Variants in SLC13A4 observed in about 807,000 individuals in gnomAD.
The protein encoded by SLC13A4 is solute carrier family 13 member 4, also known as Na(+)/sulfate cotransporter SUT-1.
Under a neutral mutation model 72.7 loss-of-function variants are expected in SLC13A4, and 28 were observed. The observed-to-expected ratio is 0.39, with a 90% CI of 0.29 to 0.53. SLC13A4 has a LOEUF of 0.53. Among genes scored for constraint, SLC13A4 ranks in the 20% least tolerant of loss-of-function variants. The pLI is 0.78. For missense variants in SLC13A4, 653 were observed against 788.0 expected, an observed-to-expected ratio of 0.83 and a Z score of 2.05; for synonymous variants, 312 against 325.5, an observed-to-expected ratio of 0.96 and a Z score of 0.45.
chr7:135,721,340 C>T, intron 2 of SLC13A4, 55 bp downstream of exon 2: 3 of 1,601,372 alleles, frequency 1.9e-6, no homozygotes, highest in African/African-American at 1.3e-5. Flanking sequence ...TGGAGGCTCT[C>T]TTTCAGGGGC....
At chr7:135,687,024 T>C (rs531342917) in intron 13 of SLC13A4, among the ~76,000 whole-genome samples, 1 of 152,208 alleles carries the variant, frequency 6.6e-6, no homozygotes, top group South Asian at 2.1e-4. Context: ...GCCATTGCAC[T>C]CCAGCCTGGG....
intron 5 of SLC13A4, chr7:135,705,235 C>T (rs994061787): frequency 5.1e-5 from 10 of 196,232 alleles, no homozygotes; most frequent in African/African-American, 1.6e-4. Flanking sequence ...GAGATGTGAA[C>T]GGTTTTCCGT....
At chr7:135,689,587 T>C (rs1795727711) in intron 13 of SLC13A4, among the ~76,000 whole-genome samples, 1 of 152,076 alleles carries the variant, frequency 6.6e-6, no homozygotes, top group Admixed American at 6.5e-5. Flanking sequence ...ATGGTATGGG[T>C]CACTACTACT....
At chr7:135,727,366 C>T in intron 1 of SLC13A4, 32 bp downstream of exon 1, 1 of 1,544,952 alleles carries the variant, frequency 6.5e-7, no homozygotes, top group Non-Finnish European at 8.7e-7. Context: ...CACTGACTCC[C>T]AGACCCCCGG....
At chr7:135,695,562 T>C in intron 8 of SLC13A4, 75 bp from the exon 9 acceptor site, 1 of 1,510,156 alleles carries the variant, frequency 6.6e-7, no homozygotes, top group Non-Finnish European at 9.0e-7. Context: ...GTATGCCAAA[T>C]GCTCCCTAAA....
intron 15 of SLC13A4, among the ~76,000 whole-genome samples, chr7:135,682,136 T>G (rs995543624): frequency 1.3e-5 from 2 of 152,208 alleles, no homozygotes; most frequent in African/African-American, 4.8e-5. Flanking sequence ...TACTGTTACC[T>G]TTTTTTAAGG....
intron 2 of SLC13A4, among the ~76,000 whole-genome samples, chr7:135,720,811 G>A (rs1386204587): frequency 6.6e-6 from 1 of 152,198 alleles, no homozygotes; most frequent in Non-Finnish European, 1.5e-5. Context: ...GAAGGCCACA[G>A]ACAGTGAATG....
chr7:135,703,156 A>G, intron 5 of SLC13A4: 1 of 497,610 alleles, frequency 2.0e-6, no homozygotes, highest in Non-Finnish European at 3.6e-6. Flanking sequence ...TGGAGTGGAT[A>G]TTAGATACAG....
chr7:135,727,317 GC>G, intron 1 of SLC13A4, 80 bp downstream of exon 1: 1 of 1,499,154 alleles, frequency 6.7e-7, no homozygotes. Context: ...CTGCCTGAGC[GC>G]CCCATGTTCC....
Position 135,684,137 on chromosome 7 carries a change from T to A in SLC13A4, c.1733A>T (p.Gln578Leu), listed in dbSNP as rs372448297. Residue 578 changes from glutamine (Q) to leucine (L), a missense_variant, in exon 15 of 16, where the codon CAG becomes CTG. Physicochemically the swap from Gln to Leu is moderately radical, Grantham distance 113. Transcript: ENST00000682651. ...ACCCCAACTCACCATATCTTTGATC[T>A]GGCAGTGCCCATAGCTGAAGACGAT... is the stretch of plus-strand genomic sequence containing the variant. ...NAIVFSYGHCQIKDMVKAGLG... is the reference protein window; with the variant it reads ...NAIVFSYGHCLIKDMVKAGLG... The A allele has an allele frequency of 6.2e-7, 1 of 1,606,602 alleles. No homozygotes were observed. The highest frequency in any genetic ancestry group is 2.2e-5 in the East Asian group (1 of 44,600).
At chr7:135,725,803 A>AT (rs142078588) in intron 1 of SLC13A4, among the ~76,000 whole-genome samples, 4,520 of 152,068 alleles carry the variant, frequency 0.03, 169 homozygotes, top group African/African-American at 0.091. Context: ...TACAAAAAAA[A>AT]TTTTTTTAAA....
intron 2 of SLC13A4, among the ~76,000 whole-genome samples, chr7:135,720,085 G>A (rs1418947099): frequency 6.6e-6 from 1 of 152,110 alleles, no homozygotes; most frequent in Non-Finnish European, 1.5e-5. Context: ...ACAACTATTA[G>A]AGGATTGCCT....
chr7:135,691,161 C>CAA (rs10659389), intron 13 of SLC13A4, 40 bp downstream of exon 13: 120,048 of 1,119,630 alleles, frequency 0.11, 785 homozygotes, highest in South Asian at 0.12. Context: ...AAGACTGTCT[C>CAA]AAAAAAAAAA....
At chr7:135,708,283 C>T (rs1796215002) in intron 2 of SLC13A4, 33 bp from the exon 3 acceptor site, 2 of 1,613,110 alleles carry the variant, frequency 1.2e-6, no homozygotes. Flanking sequence ...AGTCACCCTC[C>T]CGGACCAAAG....
At chr7:135,718,579 G>T (rs2129495331) in intron 2 of SLC13A4, among the ~76,000 whole-genome samples, 1 of 152,218 alleles carries the variant, frequency 6.6e-6, no homozygotes, top group African/African-American at 2.4e-5. Context: ...CCATTTAAAA[G>T]ATAAAGACAT....
At chr7:135,711,963 A>ATTTTTTTTTTTTTTTTTTTTTTT (rs529940903) in intron 2 of SLC13A4, among the ~76,000 whole-genome samples, 1 of 46,900 alleles carries the variant, frequency 2.1e-5, no homozygotes, top group Non-Finnish European at 4.0e-5. Flanking sequence ...ATGTTTTTGG[A>ATTTTTTTTTTTTTTTTTTTTTTT]TTTTTTTTTT....
At position 135,688,522 on chromosome 7, in the gene SLC13A4, G is replaced by T. The variant is rs992079462; in HGVS notation, c.1446+2679C>A. On this transcript the variant is annotated intron_variant, in intron 13 of 15. Transcript: ENST00000682651. Reference sequence around the variant, plus strand: ...TCCTCCTGCCTCACCCTCCTTAAGTGCTGGGATTACAGGCGTGAGTCACCA... The same window carrying T: ...TCCTCCTGCCTCACCCTCCTTAAGTTCTGGGATTACAGGCGTGAGTCACCA... Among the ~76,000 whole-genome samples the T allele has an allele frequency of 4.2e-4, 64 of 152,306 alleles. 1 individual carries two copies. The highest frequency in any genetic ancestry group is 7.6e-4 in the Non-Finnish European group (52 of 68,026).
chr7:135,714,286 G>GC (rs1222491534), intron 2 of SLC13A4, among the ~76,000 whole-genome samples: 1 of 152,206 alleles, frequency 6.6e-6, no homozygotes, highest in East Asian at 1.9e-4. Flanking sequence ...CCCAACTCCT[G>GC]CATGACTGGA....
intron 12 of SLC13A4, 45 bp from the exon 13 acceptor site, chr7:135,691,370 T>A (rs750397920): frequency 7.2e-6 from 11 of 1,527,192 alleles, no homozygotes; most frequent in Non-Finnish European, 9.7e-6. Context: ...CTGATGGACG[T>A]GATTTGTGGA....
Sources: allele counts gnomAD v4.1 joint callset (sites outside exome capture counted in the v4.1 genomes callset), GRCh38; gene constraint gnomAD v4.1.1; transcripts MANE v1.5; gene names NCBI Gene and HGNC (gene_info 2026-07-23, HGNC 2026-07-21).